Variants in NTRK2 observed in about 807,000 individuals in gnomAD.
The protein encoded by NTRK2 is neurotrophic receptor tyrosine kinase 2.
NTRK2 carries 13 observed loss-of-function variants against 94.5 expected under a neutral mutation model. The ratio of observed to expected loss-of-function variants is 0.14; its 90% CI spans 0.09 to 0.22. NTRK2 has a LOEUF of 0.22. Among genes scored for constraint, NTRK2 ranks in the 10% least tolerant of loss-of-function variants. The probability of loss-of-function intolerance (pLI) is 1.00; values close to 1 mark genes in which losing one functional copy is unlikely to be tolerated. For missense variants in NTRK2, 639 were observed against 1,071.2 expected (o/e 0.60, Z 5.63); for synonymous variants, 372 against 407.4 (o/e 0.91, Z 1.05).
chr9:84,849,317 A>G (rs1157849764), intron 12 of NTRK2, among the ~76,000 whole-genome samples: 1 of 152,124 alleles, frequency 6.6e-6, no homozygotes, highest in African/African-American at 2.4e-5. Flanking sequence ...AGGACTGACT[A>G]TTCAATTTTC....
intron 12 of NTRK2, among the ~76,000 whole-genome samples, chr9:84,770,247 A>G (rs1048232249): frequency 7.3e-5 from 11 of 151,290 alleles, no homozygotes; most frequent in African/African-American, 2.2e-4. Flanking sequence ...CCCTTCCCTC[A>G]ACCCTTTGCC....
chr9:84,900,676 GT>G (rs1390298807), intron 14 of NTRK2, among the ~76,000 whole-genome samples: 1 of 152,152 alleles, frequency 6.6e-6, no homozygotes, highest in Non-Finnish European at 1.5e-5. Context: ...AAATTGCTTA[GT>G]TTTTTCAGTG....
chr9:84,982,397 C>T (rs1385844055), intron 17 of NTRK2, among the ~76,000 whole-genome samples: 1 of 152,210 alleles, frequency 6.6e-6, no homozygotes, highest in Non-Finnish European at 1.5e-5. Context: ...ACTCAGGAGT[C>T]TGTGGCAGCA....
chr9:84,827,039 A>T (rs1355392869), intron 12 of NTRK2, among the ~76,000 whole-genome samples: 1 of 152,212 alleles, frequency 6.6e-6, no homozygotes, highest in East Asian at 1.9e-4. Flanking sequence ...GTGATGCCAG[A>T]CTTTAAAGGA....
intron 14 of NTRK2, chr9:84,874,775 G>C: frequency 5.7e-6 from 6 of 1,059,160 alleles, no homozygotes; most frequent in Non-Finnish European, 6.9e-6. Flanking sequence ...TCTGCCCTTT[G>C]TTTGGGTTTG....
At chr9:84,737,186 C>G (rs2063320848) in intron 9 of NTRK2, among the ~76,000 whole-genome samples, 1 of 152,144 alleles carries the variant, frequency 6.6e-6, no homozygotes, top group Non-Finnish European at 1.5e-5. Context: ...GATGTGTCTT[C>G]CTGGCCTCCC....
In NTRK2 at chr9:84,723,585, C is replaced by T. The variant is rs773925423; in HGVS notation, c.596C>T (p.Ala199Val). ...LQIPNCGLPS[A>V]NLAAPNLTVE... is the part of the protein sequence containing the mutation. ...TCTTGTTCCATAGGTTTGCCATCTG[C>T]AAATCTGGCCGCACCTAACCTCACT... The change falls in exon 7 of 19, where the codon GCA becomes GTA. Residue 199 changes from alanine to valine, a missense_variant. This residue lies in a region of NTRK2 where 206 missense variants were observed against 251.5 expected (regional missense o/e 0.82). Coordinates refer to ENST00000277120, the MANE Select transcript of NTRK2 (RefSeq NM_006180.6). 6.2e-7 allele frequency: 1 copy of T among 1,614,076 alleles called. No individual in the cohort carries two copies. Among genetic ancestry groups the T allele is most frequent in the Non-Finnish European group, 8.5e-7 (1 of 1,179,960 alleles).
chr9:84,679,475 G>A (rs369278635), intron 2 of NTRK2, among the ~76,000 whole-genome samples: 1 of 152,178 alleles, frequency 6.6e-6, no homozygotes, highest in African/African-American at 2.4e-5. Context: ...TGGGAAAGGC[G>A]ACAAAGTATA....
Position 84,961,595 on chromosome 9 carries a change from C to T in NTRK2, c.2172+6078C>T, listed in dbSNP as rs150640694. 3.6e-3 allele frequency among the ~76,000 whole-genome samples: 552 copies of T among 152,256 alleles called. 3 individuals are homozygous for T. The highest frequency in any genetic ancestry group is 7.5e-3 in the Admixed American group (114 of 15,298). On this transcript the variant is annotated intron_variant, in intron 17 of 18. Coordinates refer to ENST00000277120, the MANE Select transcript of NTRK2 (RefSeq NM_006180.6). Reference sequence around the variant, plus strand: ...TGCTTTGGAGTTGCCACAGGGTGAGCGTGAGAGTCCTCTCATTCATTCATT... The same window carrying T: ...TGCTTTGGAGTTGCCACAGGGTGAGTGTGAGAGTCCTCTCATTCATTCATT...
chr9:84,844,398 T>C (rs1252256891), intron 12 of NTRK2, among the ~76,000 whole-genome samples: 2 of 152,078 alleles, frequency 1.3e-5, no homozygotes, highest in African/African-American at 2.4e-5. Context: ...TCAGAATAAG[T>C]CAGAGAATTT....
intron 14 of NTRK2, among the ~76,000 whole-genome samples, chr9:84,932,758 T>C (rs72739930): frequency 0.084 from 12,785 of 152,098 alleles, 1,061 homozygotes; most frequent in African/African-American, 0.22. Flanking sequence ...CAGGAAGAGG[T>C]CTTTGGTGGT....
In NTRK2 at chr9:84,979,549, T is replaced by C. The variant is rs200797236; in HGVS notation, c.2172+24032T>C. ...CTGGAATCTATTCCTGGTGAAGGTG[T>C]TGTAAACATTGTTGAAATTACAACC... On this transcript the variant is annotated intron_variant, in intron 17 of 18. Coordinates refer to ENST00000277120, the MANE Select transcript of NTRK2 (RefSeq NM_006180.6). Among the ~76,000 whole-genome samples the C allele has an allele frequency of 5.3e-5, 8 of 152,202 alleles. No individual in the cohort carries two copies. The East Asian group carries it at 1.5e-3, about 29-fold the overall frequency.
At chr9:84,705,583 G>A (rs911089827) in intron 4 of NTRK2, among the ~76,000 whole-genome samples, 22 of 152,240 alleles carry the variant, frequency 1.4e-4, no homozygotes, top group African/African-American at 4.8e-4. Flanking sequence ...CAGACAGGGA[G>A]ACCCTTCACC....
intron 14 of NTRK2, among the ~76,000 whole-genome samples, chr9:84,883,144 C>A (rs2076314448): frequency 6.6e-6 from 1 of 152,114 alleles, no homozygotes; most frequent in Non-Finnish European, 1.5e-5. Flanking sequence ...AGAGGTGAGG[C>A]CAAATAATCT....
chr9:84,678,423 G>T (rs925593101), intron 2 of NTRK2, among the ~76,000 whole-genome samples: 3 of 152,178 alleles, frequency 2.0e-5, no homozygotes, highest in Non-Finnish European at 4.4e-5. Context: ...TTCAACCTCT[G>T]CAATATAGTG....
chr9:84,810,474 C>A, intron 12 of NTRK2: 2 of 1,380,640 alleles, frequency 1.4e-6, no homozygotes, highest in Non-Finnish European at 2.0e-6. Context: ...AGTTATTGTA[C>A]TTGTATGTTA....
At chr9:84,857,853 T>A (rs1587703676) in intron 12 of NTRK2, among the ~76,000 whole-genome samples, 1 of 152,278 alleles carries the variant, frequency 6.6e-6, no homozygotes, top group African/African-American at 2.4e-5. Context: ...AGAATTTTGA[T>A]ACGAAGCCTG....
intron 17 of NTRK2, among the ~76,000 whole-genome samples, chr9:84,976,191 G>C (rs1294539446): frequency 1.3e-5 from 2 of 152,116 alleles, no homozygotes; most frequent in Non-Finnish European, 2.9e-5. Flanking sequence ...CACACCCCTG[G>C]AGGCTAGAAG....
chr9:84,961,674 GC>G (rs1468609535), intron 17 of NTRK2, among the ~76,000 whole-genome samples: 1 of 152,138 alleles, frequency 6.6e-6, no homozygotes, highest in Non-Finnish European at 1.5e-5. Context: ...AATGGTAGAT[GC>G]AAAAAGCATC....
Sources: gnomAD v4.1 joint callset for allele counts (sites outside exome capture counted in the v4.1 genomes callset) on GRCh38, gnomAD v4.1.1 for gene constraint, gnomAD v4.1.1 regional missense constraint, MANE v1.5 for transcripts, NCBI Gene and HGNC (gene_info 2026-07-23, HGNC 2026-07-21) for gene names.